The following NUDT3 variants were observed in gnomAD, a reference collection of about 807,000 sequenced individuals.
NUDT3 encodes nudix hydrolase 3.
Under a neutral mutation model 23.6 loss-of-function variants are expected in NUDT3, and 9 were observed. That is an observed-to-expected ratio of 0.38 (90% confidence interval 0.23 to 0.66). NUDT3 has a LOEUF of 0.66. Ranked by LOEUF, NUDT3 falls within the 30% of genes least tolerant of loss-of-function variation. NUDT3 has a pLI of 0.52. For synonymous variants in NUDT3, 86 were observed against 82.6 expected, an observed-to-expected ratio of 1.04 and a Z score of -0.22; for missense variants, 172 against 218.5, an observed-to-expected ratio of 0.79 and a Z score of 1.34.
chr6:34,354,791 A>G (rs1398005353), intron 1 of NUDT3, among the ~76,000 whole-genome samples: 1 of 143,938 alleles, frequency 6.9e-6, no homozygotes, highest in Non-Finnish European at 1.5e-5. Context: ...ATATTTGTAT[A>G]CTTTATATTT....
intron 1 of NUDT3, among the ~76,000 whole-genome samples, chr6:34,362,926 C>A (rs759041589): frequency 6.6e-6 from 1 of 152,160 alleles, no homozygotes; most frequent in Non-Finnish European, 1.5e-5. Flanking sequence ...CCATACACCA[C>A]CTGTCTCCGT....
Position 34,287,413 on chromosome 6 carries a change from C to G in NUDT3, c.*1340G>C, listed in dbSNP as rs1014261940. 3 of 152,122 alleles carry G rather than the reference C, an allele frequency of 2.0e-5. No individual in the cohort carries two copies. Among genetic ancestry groups the G allele is most frequent in the Non-Finnish European group, 4.4e-5 (3 of 68,030 alleles). The allele number at this position is 152,122 out of a possible 1,614,324, so 9.4% of individuals were successfully genotyped here. A position where few individuals can be genotyped will look rare whatever the true frequency, so the allele number is the denominator to read the frequency against. Reference sequence around the variant, plus strand: ...AAATGAAGCCAGCACGAAACTGTATCAAAAAACAAGAGAGTCTGCAGTGAG... The same window carrying G: ...AAATGAAGCCAGCACGAAACTGTATGAAAAAACAAGAGAGTCTGCAGTGAG... On this transcript the variant is annotated 3_prime_UTR_variant, in exon 5 of 5. Transcript: ENST00000607016.
At chr6:34,339,051 A>G (rs1190515301) in intron 2 of NUDT3, among the ~76,000 whole-genome samples, 8 of 152,230 alleles carry the variant, frequency 5.3e-5, no homozygotes, top group African/African-American at 1.9e-4. Flanking sequence ...GGGGTGGATC[A>G]GGAAGATGCC....
At chr6:34,328,245 G>A (rs80118671) in intron 2 of NUDT3, among the ~76,000 whole-genome samples, 14,381 of 152,078 alleles carry the variant, frequency 0.095, 790 homozygotes, top group Non-Finnish European at 0.12. Context: ...ATCACACTGG[G>A]TCTTCCCCTT....
rs537295337 is a variant in NUDT3 at position 34,382,315 on chromosome 6, A to G, written c.99+9949T>C. On this transcript the variant is annotated intron_variant, in intron 1 of 4. Transcript: ENST00000607016. ...CTACTCAGGAGGCTGAGGTGAGAGC[A>G]TCACTTGCGCCCGGAAGGTTGGGGC... is the stretch of plus-strand genomic sequence containing the variant. Among the ~76,000 whole-genome samples, 12 of 152,136 alleles carry G rather than the reference A, an allele frequency of 7.9e-5. No homozygotes were observed. In the South Asian group the frequency reaches 2.5e-3, roughly 32 times the overall value.
rs933411679 is a variant in NUDT3, at chr6:34,287,425, G to C, written c.*1328C>G. On this transcript the variant is annotated 3_prime_UTR_variant, in exon 5 of 5. Transcript: ENST00000607016. ...CACGAAACTGTATCAAAAAACAAGA[G>C]AGTCTGCAGTGAGCCAGTGTATTAT... 4 of 152,168 alleles carry C rather than the reference G, an allele frequency of 2.6e-5. No individual in the cohort carries two copies. Among genetic ancestry groups the C allele is most frequent in the African/African-American group, 9.7e-5 (4 of 41,422 alleles). 9.4% of individuals were successfully genotyped at this position (152,168 alleles called of 1,614,324 possible).
intron 2 of NUDT3, among the ~76,000 whole-genome samples, chr6:34,317,344 C>T (rs1763877901): frequency 6.6e-6 from 1 of 152,038 alleles, no homozygotes; most frequent in Admixed American, 6.6e-5. Flanking sequence ...ACTAATCCAA[C>T]CACCTACCTA....
At position 34,302,923 on chromosome 6, in the gene NUDT3, AT is replaced by A. The variant is rs1763622621; in HGVS notation, c.211-7239del. Among the ~76,000 whole-genome samples, 3 of 152,214 alleles carry A rather than the reference AT, an allele frequency of 2.0e-5. No homozygotes were observed. The South Asian group carries it at 6.2e-4, about 31-fold the overall frequency. On this transcript the variant is annotated intron_variant, in intron 2 of 4. Coordinates refer to ENST00000607016, the MANE Select transcript of NUDT3 (RefSeq NM_006703.4). Reference sequence around the variant, plus strand: ...TACTGTTTTACTAATTTAGTTGTTAATTTATGTACTAATAGCATATGCATAT... The same window carrying A: ...TACTGTTTTACTAATTTAGTTGTTAATTATGTACTAATAGCATATGCATAT...
At chr6:34,324,459 C>T (rs1763992882) in intron 2 of NUDT3, among the ~76,000 whole-genome samples, 1 of 152,032 alleles carries the variant, frequency 6.6e-6, no homozygotes, top group African/African-American at 2.4e-5. Context: ...GGACAGAGTG[C>T]AGTGGCATGA....
chr6:34,353,593 A>G (rs1222115210), intron 1 of NUDT3, among the ~76,000 whole-genome samples: 6 of 152,126 alleles, frequency 3.9e-5, no homozygotes, highest in African/African-American at 1.4e-4. Flanking sequence ...TGGTAGAGAC[A>G]GGGTTTCACC....
At chr6:34,314,422 G>C (rs1763828451) in intron 2 of NUDT3, among the ~76,000 whole-genome samples, 1 of 151,274 alleles carries the variant, frequency 6.6e-6, no homozygotes, top group African/African-American at 2.4e-5. Flanking sequence ...ACCCAGGCCT[G>C]GTGGTATGCG....
At position 34,287,908 on chromosome 6, in the gene NUDT3, G is replaced by C. The variant is rs1026657664; in HGVS notation, c.*845C>G. On this transcript the variant is annotated 3_prime_UTR_variant, in exon 5 of 5. Coordinates refer to ENST00000607016, the MANE Select transcript of NUDT3 (RefSeq NM_006703.4). ...TTCAATTTCTATCATTGTTTTTACAGATCTGGGCTGAGGCCATTTGCTCCT... is the reference window on the plus strand; with the variant it reads ...TTCAATTTCTATCATTGTTTTTACACATCTGGGCTGAGGCCATTTGCTCCT... The C allele has an allele frequency of 6.6e-6, 1 of 152,046 alleles. No homozygotes were observed. The highest frequency in any genetic ancestry group is 2.1e-4 in the South Asian group (1 of 4,826). 9.4% of individuals were successfully genotyped at this position (152,046 alleles called of 1,614,324 possible).
intron 1 of NUDT3, among the ~76,000 whole-genome samples, chr6:34,377,372 G>C (rs1295986766): frequency 6.6e-6 from 1 of 151,692 alleles, no homozygotes; most frequent in Non-Finnish European, 1.5e-5. Flanking sequence ...GACAGAACTT[G>C]GAGACTACAA....
intron 1 of NUDT3, among the ~76,000 whole-genome samples, chr6:34,373,341 T>TG (rs1362913002): frequency 8.1e-6 from 1 of 123,252 alleles, no homozygotes; most frequent in Admixed American, 9.1e-5. Context: ...ATATGTGAAT[T>TG]TAATGTTATA....
chr6:34,296,105 A>C (rs1399884955), intron 2 of NUDT3, among the ~76,000 whole-genome samples: 1 of 152,182 alleles, frequency 6.6e-6, no homozygotes, highest in Non-Finnish European at 1.5e-5. Context: ...CTGCCTCTAA[A>C]AATTTGTTTT....
rs145485946 is a variant in NUDT3, at chr6:34,356,084, T to C, written c.100-14112A>G. Among the ~76,000 whole-genome samples the C allele has an allele frequency of 6.0e-3, 920 of 152,286 alleles. 3 individuals carry two copies. Among genetic ancestry groups the C allele is most frequent in the Middle Eastern group, 0.017 (5 of 294 alleles). ...TTTTAAATGCAGGACACACAGTTCC[T>C]GGCTGTGTCTGTGATACTGGACATC... On this transcript the variant is annotated intron_variant, in intron 1 of 4. Coordinates refer to ENST00000607016, the MANE Select transcript of NUDT3 (RefSeq NM_006703.4).
At chr6:34,304,403 G>GAAGGA (rs147578852) in intron 2 of NUDT3, among the ~76,000 whole-genome samples, 3 of 151,200 alleles carry the variant, frequency 2.0e-5, no homozygotes, top group Non-Finnish European at 4.4e-5. Flanking sequence ...CATATCGAAA[G>GAAGGA]AAGGAAAGGA....
chr6:34,321,450 A>C (rs938513950), intron 2 of NUDT3, among the ~76,000 whole-genome samples: 2 of 152,032 alleles, frequency 1.3e-5, no homozygotes, highest in Admixed American at 6.6e-5. Flanking sequence ...AAATAATAAT[A>C]ATAATAAAAT....
intron 2 of NUDT3, among the ~76,000 whole-genome samples, chr6:34,306,185 C>T (rs777753904): frequency 2.6e-5 from 4 of 152,128 alleles, no homozygotes; most frequent in African/African-American, 4.8e-5. Context: ...TGACTTTCCC[C>T]GTAACTCTGA....
Sources: gnomAD v4.1 joint callset for allele counts (sites outside exome capture counted in the v4.1 genomes callset) on GRCh38, gnomAD v4.1.1 for gene constraint, MANE v1.5 for transcripts, NCBI Gene and HGNC (gene_info 2026-07-23, HGNC 2026-07-21) for gene names.